Variants in SYT10 observed in about 807,000 individuals in gnomAD.
SYT10 encodes the protein synaptotagmin 10, also known as synaptotagmin-10.
A neutral mutation model predicts 51.1 loss-of-function variants in SYT10; 31 were observed. The ratio of observed to expected loss-of-function variants is 0.61; its 90% CI spans 0.46 to 0.82. SYT10 has a LOEUF of 0.82. Ranked by LOEUF, SYT10 falls within the 40% of genes least tolerant of loss-of-function variation. The probability of loss-of-function intolerance (pLI) is 0.00; values close to 1 mark genes in which losing one functional copy is unlikely to be tolerated. For synonymous variants in SYT10, 233 were observed against 225.9 expected, an observed-to-expected ratio of 1.03 and a Z score of -0.28; for missense variants, 603 against 634.0, an observed-to-expected ratio of 0.95 and a Z score of 0.53.
chr12:33,387,091 TA>T (rs973721157), intron 3 of SYT10, among the ~76,000 whole-genome samples: 23 of 152,290 alleles, frequency 1.5e-4, no homozygotes, highest in African/African-American at 5.5e-4. Flanking sequence ...ACTCGCTGAT[TA>T]TGCACCCAGG....
chr12:33,428,285 C>G (rs1284116627), intron 1 of SYT10, among the ~76,000 whole-genome samples: 1 of 152,170 alleles, frequency 6.6e-6, no homozygotes, highest in African/African-American at 2.4e-5. Context: ...AATTTAACTT[C>G]CTTAAATAGT....
intron 1 of SYT10, among the ~76,000 whole-genome samples, chr12:33,431,704 A>C (rs1866598266): frequency 6.6e-6 from 1 of 152,216 alleles, no homozygotes; most frequent in African/African-American, 2.4e-5. Flanking sequence ...TATGCGCTAA[A>C]GCAAAAGCAT....
intron 3 of SYT10, among the ~76,000 whole-genome samples, chr12:33,387,745 A>ACGT (rs1866168920): frequency 3.8e-5 from 3 of 78,962 alleles, no homozygotes; most frequent in Non-Finnish European, 6.8e-5. Flanking sequence ...TCCTTCTAAC[A>ACGT]TGTTTTTTTT....
intron 2 of SYT10, among the ~76,000 whole-genome samples, chr12:33,412,688 C>T (rs1158200994): frequency 2.6e-5 from 4 of 152,134 alleles, no homozygotes. Flanking sequence ...ATCTGTACGT[C>T]ACCATCATCA....
intron 3 of SYT10, among the ~76,000 whole-genome samples, chr12:33,386,310 T>G (rs1337901388): frequency 6.6e-6 from 1 of 152,172 alleles, no homozygotes; most frequent in Non-Finnish European, 1.5e-5. Context: ...GGCTAATACA[T>G]TAGAACGTCA....
At chr12:33,380,013 G>T in intron 5 of SYT10, 52 bp from the exon 6 acceptor site, 1 of 1,521,542 alleles carries the variant, frequency 6.6e-7, no homozygotes, top group Non-Finnish European at 8.9e-7. Context: ...AAGATAAAGG[G>T]GGTTTCACAA....
At chr12:33,439,245 G>T in intron 1 of SYT10, 127 bp downstream of exon 1, 1 of 1,238,782 alleles carries the variant, frequency 8.1e-7, no homozygotes, top group Non-Finnish European at 1.1e-6. Flanking sequence ...AAGGAGCGAG[G>T]TAGGAAAGCG....
chr12:33,413,698 A>G (rs978687279), intron 2 of SYT10, among the ~76,000 whole-genome samples: 3 of 152,246 alleles, frequency 2.0e-5, no homozygotes, highest in Non-Finnish European at 4.4e-5. Flanking sequence ...AAACATGGAA[A>G]GGAACAACCG....
At chr12:33,395,066 C>T (rs139107794) in intron 3 of SYT10, among the ~76,000 whole-genome samples, 1,611 of 152,270 alleles carry the variant, frequency 0.011, 17 homozygotes, top group Non-Finnish European at 0.017. Context: ...CCAGCCTGAG[C>T]GACAGAGCGA....
At chr12:33,434,252 C>T (rs1046615031) in intron 1 of SYT10, among the ~76,000 whole-genome samples, 1 of 152,106 alleles carries the variant, frequency 6.6e-6, no homozygotes, top group Non-Finnish European at 1.5e-5. Flanking sequence ...AGTTCAGTTG[C>T]TTTTTCATGA....
intron 3 of SYT10, 107 bp from the exon 4 acceptor site, chr12:33,385,398 G>A (rs1345844202): frequency 2.1e-6 from 3 of 1,422,592 alleles, no homozygotes; most frequent in African/African-American, 1.4e-5. Context: ...GTTTTATTGA[G>A]GATAATACAG....
chr12:33,384,619 G>A (rs1866142135), intron 4 of SYT10, among the ~76,000 whole-genome samples: 1 of 152,174 alleles, frequency 6.6e-6, no homozygotes, highest in South Asian at 2.1e-4. Context: ...GTCAAAGTTA[G>A]CACAAGTAGA....
chr12:33,426,546 G>C, intron 1 of SYT10, 51 bp from the exon 2 acceptor site: 2 of 1,376,172 alleles, frequency 1.5e-6, no homozygotes, highest in South Asian at 1.6e-5. Context: ...ACATAAAAAA[G>C]CAGAAATGGA....
chr12:33,376,390 C>A lies in SYT10; in HGVS notation c.*440G>T, dbSNP rs1331354421. ...ATGTTGTGTAAGTTAAGTTCAAAAT[C>A]TCCTTTTAAGTTTATACAGAACCAC... is the stretch of plus-strand genomic sequence containing the variant. On this transcript the variant is annotated 3_prime_UTR_variant, in exon 7 of 7. Coordinates refer to ENST00000228567, the MANE Select transcript of SYT10 (RefSeq NM_198992.4). 2 of 154,926 alleles carry A rather than the reference C, an allele frequency of 1.3e-5. No homozygotes were observed. The highest frequency in any genetic ancestry group is 2.4e-5 in the African/African-American group (1 of 41,488). 9.6% of individuals were successfully genotyped at this position (154,926 alleles called of 1,614,324 possible).
intron 1 of SYT10, among the ~76,000 whole-genome samples, chr12:33,435,550 C>T (rs567559913): frequency 7.1e-4 from 108 of 152,268 alleles, no homozygotes; most frequent in African/African-American, 2.5e-3. Flanking sequence ...TTCACTGTGG[C>T]TCCATTATTC....
chr12:33,431,622 T>G (rs1329935417), intron 1 of SYT10, among the ~76,000 whole-genome samples: 1 of 152,130 alleles, frequency 6.6e-6, no homozygotes, highest in Non-Finnish European at 1.5e-5. Context: ...CAGAATGTTA[T>G]CTTAGTATTG....
At chr12:33,408,299 T>G (rs1866376748) in intron 2 of SYT10, 1 of 152,170 alleles carries the variant, frequency 6.6e-6, no homozygotes. Flanking sequence ...TTTTTCAACA[T>G]GCTGTGGTCT....
intron 2 of SYT10, chr12:33,423,896 T>C: frequency 2.2e-6 from 1 of 454,062 alleles, no homozygotes; most frequent in Non-Finnish European, 4.4e-6. Context: ...ATGGGGATAA[T>C]TAATAATACT....
chr12:33,421,995 T>A (rs1014598253), intron 2 of SYT10, among the ~76,000 whole-genome samples: 1 of 151,932 alleles, frequency 6.6e-6, no homozygotes, highest in African/African-American at 2.4e-5. Context: ...ATAAACAAGA[T>A]GAGGTCATTG....
Sources: allele counts gnomAD v4.1 joint callset (sites outside exome capture counted in the v4.1 genomes callset), GRCh38; gene constraint gnomAD v4.1.1; transcripts MANE v1.5; gene names NCBI Gene and HGNC (gene_info 2026-07-23, HGNC 2026-07-21).